Variants in VMP1 observed in about 807,000 individuals in gnomAD.
VMP1 encodes vacuole membrane protein 1.
In VMP1, 11 loss-of-function variants were observed where a neutral mutation model predicts 56.0. The observed-to-expected ratio is 0.20, with a 90% CI of 0.12 to 0.32. The LOEUF (loss-of-function observed/expected upper bound fraction) is 0.32. Ranked by LOEUF, VMP1 falls within the 10% of genes least tolerant of loss-of-function variation. The pLI, the probability that VMP1 is intolerant of heterozygous loss-of-function variation, is 1.00. For missense variants in VMP1, 296 were observed against 490.3 expected (o/e 0.60, Z 3.74); for synonymous variants, 149 against 165.0 (o/e 0.90, Z 0.74).
intron 10 of VMP1, among the ~76,000 whole-genome samples, chr17:59,836,841 A>T (rs2038998281): frequency 6.6e-6 from 1 of 152,058 alleles, no homozygotes; most frequent in Non-Finnish European, 1.5e-5. Flanking sequence ...GCATCTGATA[A>T]AATATAATAG....
chr17:59,765,789 C>T (rs1301045780), intron 6 of VMP1, among the ~76,000 whole-genome samples: 1 of 151,926 alleles, frequency 6.6e-6, no homozygotes, highest in African/African-American at 2.4e-5. Flanking sequence ...ATGAGAGGCA[C>T]ACCCATTATC....
At chr17:59,720,764 A>G (rs1354482968) in intron 1 of VMP1, among the ~76,000 whole-genome samples, 1 of 151,758 alleles carries the variant, frequency 6.6e-6, no homozygotes, top group Non-Finnish European at 1.5e-5. Context: ...ACCTGAGGTC[A>G]GGAGTTCCAG....
chr17:59,737,822 C>T (rs765498673), intron 4 of VMP1, among the ~76,000 whole-genome samples: 4 of 151,430 alleles, frequency 2.6e-5, no homozygotes, highest in South Asian at 2.1e-4. Context: ...CAGGTTGGAG[C>T]GCAGTGGTGT....
chr17:59,735,071 C>T (rs955184921), intron 2 of VMP1, among the ~76,000 whole-genome samples: 7 of 151,764 alleles, frequency 4.6e-5, no homozygotes, highest in African/African-American at 1.7e-4. Flanking sequence ...ACCACCATGC[C>T]CAGCTAATTT....
At chr17:59,729,639 T>C (rs1314831180) in intron 1 of VMP1, 2 of 152,004 alleles carry the variant, frequency 1.3e-5, no homozygotes, top group African/African-American at 4.8e-5. Flanking sequence ...AGTTCCGATT[T>C]CTCCACATCC....
At chr17:59,731,266 T>A (rs1285611126) in intron 1 of VMP1, 155 bp from the exon 2 acceptor site, 5 of 387,106 alleles carry the variant, frequency 1.3e-5, no homozygotes, top group Non-Finnish European at 2.3e-5. Flanking sequence ...AACTAAATTG[T>A]TCAAATTTTG....
chr17:59,798,619 G>A (rs917213239), intron 7 of VMP1, among the ~76,000 whole-genome samples: 1 of 152,204 alleles, frequency 6.6e-6, no homozygotes, highest in African/African-American at 2.4e-5. Context: ...GGGCACGGTG[G>A]CTCACGCCTG....
At chr17:59,755,451 T>C (rs1256172564) in intron 5 of VMP1, among the ~76,000 whole-genome samples, 6 of 152,120 alleles carry the variant, frequency 3.9e-5, no homozygotes, top group African/African-American at 1.4e-4. Flanking sequence ...ATAATAAAAA[T>C]AGCTTCAAAG....
At chr17:59,758,073 C>T (rs1009016211) in intron 5 of VMP1, among the ~76,000 whole-genome samples, 1 of 151,790 alleles carries the variant, frequency 6.6e-6, no homozygotes, top group Non-Finnish European at 1.5e-5. Context: ...AACTCCTGGG[C>T]TCCAGTGAGT....
intron 7 of VMP1, among the ~76,000 whole-genome samples, chr17:59,780,313 T>C (rs2036773115): frequency 6.6e-6 from 1 of 152,212 alleles, no homozygotes; most frequent in Admixed American, 6.5e-5. Flanking sequence ...TACTGTTGCC[T>C]GCTGCAGTGG....
At chr17:59,830,922 G>A (rs187602466) in intron 10 of VMP1, among the ~76,000 whole-genome samples, 226 of 152,132 alleles carry the variant, frequency 1.5e-3, no homozygotes, top group Non-Finnish European at 1.4e-3. Flanking sequence ...CTCCTAGGAG[G>A]GCTCAAGCAG....
chr17:59,717,806 A>G (rs1380684934), intron 1 of VMP1, among the ~76,000 whole-genome samples: 1 of 152,104 alleles, frequency 6.6e-6, no homozygotes, highest in Non-Finnish European at 1.5e-5. Context: ...TGTTATCCCA[A>G]CTACTCCAGA....
intron 7 of VMP1, among the ~76,000 whole-genome samples, chr17:59,804,138 A>G (rs2037766689): frequency 6.6e-6 from 1 of 152,118 alleles, no homozygotes; most frequent in African/African-American, 2.4e-5. Context: ...TAATTAAAAA[A>G]TATACTGAAG....
intron 10 of VMP1, among the ~76,000 whole-genome samples, chr17:59,832,219 G>A (rs2038832268): frequency 1.7e-5 from 2 of 120,158 alleles, no homozygotes; most frequent in Admixed American, 2.2e-4. Context: ...CACCTAGACT[G>A]GAGTGCAATC....
At chr17:59,822,185 T>C (rs2038478584) in intron 10 of VMP1, among the ~76,000 whole-genome samples, 1 of 152,072 alleles carries the variant, frequency 6.6e-6, no homozygotes, top group Admixed American at 6.6e-5. Context: ...ATAATTAGAC[T>C]CAGCAGATGC....
At chr17:59,751,417 G>A (rs2035637594) in intron 5 of VMP1, among the ~76,000 whole-genome samples, 1 of 152,010 alleles carries the variant, frequency 6.6e-6, no homozygotes. Context: ...TCTCTATGCA[G>A]CCAGTTTTTG....
intron 7 of VMP1, among the ~76,000 whole-genome samples, chr17:59,793,831 TAGTC>T (rs1325239377): frequency 1.3e-5 from 2 of 150,210 alleles, no homozygotes; most frequent in African/African-American, 4.8e-5. Context: ...TTCACCTTGT[TAGTC>T]AGGCTGGTCT....
intron 7 of VMP1, among the ~76,000 whole-genome samples, chr17:59,792,194 T>C (rs981810891): frequency 1.1e-4 from 16 of 152,174 alleles, no homozygotes; most frequent in Non-Finnish European, 2.2e-4. Context: ...GGAGGATTGC[T>C]TGAGCCCGAG....
chr17:59,773,661 G>A, intron 6 of VMP1, 93 bp from the exon 7 acceptor site: 1 of 1,240,770 alleles, frequency 8.1e-7, no homozygotes, highest in Non-Finnish European at 1.1e-6. Context: ...ATCTCAAAAT[G>A]CTTCTGGTGA....
Sources: allele counts gnomAD v4.1 joint callset (sites outside exome capture counted in the v4.1 genomes callset), GRCh38; gene constraint gnomAD v4.1.1; transcripts MANE v1.5; gene names NCBI Gene and HGNC (gene_info 2026-07-23, HGNC 2026-07-21).